Variants in PPL observed in about 807,000 individuals in gnomAD.
PPL encodes the protein 190 kDa paraneoplastic pemphigus antigen.
A neutral mutation model predicts 194.4 loss-of-function variants in PPL; 198 were observed. The observed-to-expected ratio is 1.02, with a 90% CI of 0.91 to 1.15. PPL has a LOEUF of 1.15. PPL is among the 50% of genes most tolerant of loss of function. The probability of loss-of-function intolerance (pLI) is 0.00; values close to 1 mark genes in which losing one functional copy is unlikely to be tolerated. For synonymous variants in PPL, 1,220 were observed against 972.4 expected (o/e 1.25, Z -4.74); for missense variants, 2,885 against 2,294.8 (o/e 1.26, Z -5.25).
intron 11 of PPL, among the ~76,000 whole-genome samples, chr16:4,894,842 C>T (rs1364108443): frequency 6.6e-6 from 1 of 152,212 alleles, no homozygotes; most frequent in Non-Finnish European, 1.5e-5. Flanking sequence ...TCCCAATTCC[C>T]AGTCCCTGTG....
intron 1 of PPL, among the ~76,000 whole-genome samples, chr16:4,911,346 G>C (rs2088816875): frequency 6.6e-6 from 1 of 151,940 alleles, no homozygotes; most frequent in Non-Finnish European, 1.5e-5. Flanking sequence ...ATTTTTAGTG[G>C]AGATGGGGTT....
At chr16:4,896,796 T>G (rs1240692139) in intron 9 of PPL, among the ~76,000 whole-genome samples, 1 of 151,838 alleles carries the variant, frequency 6.6e-6, no homozygotes, top group Non-Finnish European at 1.5e-5. Context: ...CCACCACACC[T>G]GGCTAACTTT....
chr16:4,890,357 C>T (rs1026650874), intron 17 of PPL, 23 bp from the exon 18 acceptor site: 2 of 1,577,446 alleles, frequency 1.3e-6, no homozygotes, highest in Admixed American at 1.9e-5. Context: ...AGCGTTCAGG[C>T]CTCAGCCACA....
Position 4,885,322 on chromosome 16 carries a change from C to T in PPL, c.3333G>A (p.Lys1111=), listed in dbSNP as rs1567985662. The change falls in exon 22 of 22, where the codon AAG becomes AAA. Residue 1111 remains lysine (K), a synonymous_variant. Coordinates refer to ENST00000345988, the MANE Select transcript of PPL (RefSeq NM_002705.5). The surrounding 1 kb of genome is among the most constrained non-coding windows in gnomAD (Gnocchi z 6.3). ...CCTTGAGCACCTCCTTGACGGTGAT[C>T]TTGCCCTCGGCCATGGCCCGCTCCT... ...LEKERAMAEG[K]ITVKEVLKVE... The T allele has an allele frequency of 6.2e-7, 1 of 1,612,744 alleles. No individual in the cohort carries two copies. The highest frequency in any genetic ancestry group is 8.5e-7 in the Non-Finnish European group (1 of 1,180,000).
intron 14 of PPL, among the ~76,000 whole-genome samples, chr16:4,892,579 T>C (rs1255681039): frequency 6.6e-6 from 1 of 152,108 alleles, no homozygotes; most frequent in East Asian, 1.9e-4. Flanking sequence ...TCCCAGCAGC[T>C]TAGGAAGGGA....
At chr16:4,892,297 C>T (rs1373479332) in intron 14 of PPL, 84 bp from the exon 15 acceptor site, 2 of 1,425,808 alleles carry the variant, frequency 1.4e-6, no homozygotes, top group African/African-American at 2.8e-5. Context: ...GCACAGATTC[C>T]CACATCAGGC....
rs1175002239 is a variant in PPL at position 4,885,104 on chromosome 16, GC to G, written c.3550del (p.Ala1184ArgfsTer48). 1 of 1,613,666 alleles carries G rather than the reference GC, an allele frequency of 6.2e-7. No individual in the cohort carries two copies. The highest frequency in any genetic ancestry group is 8.5e-7 in the Non-Finnish European group (1 of 1,180,028). ...GCGGAGGTTCGCCACTTCACTTTCC[GC>G]CTTGGGGTCTGGCCGCACGATCTCC... is the stretch of plus-strand genomic sequence containing the variant. The part of the protein sequence containing the change: ...VREIVRPDPK[A>X]ESEVANLRLE... On this transcript the variant is annotated frameshift_variant, in exon 22 of 22. Coordinates refer to ENST00000345988, the MANE Select transcript of PPL (RefSeq NM_002705.5). LOFTEE classifies it high-confidence loss of function. This position sits in a 1 kb window ranked among gnomAD's most constrained non-coding sequence, Gnocchi z 6.3.
rs554252183 is a variant in PPL, at chr16:4,892,036, TCTC to T, written c.1825_1827del (p.Glu609del). 73 of 1,612,684 alleles carry T rather than the reference TCTC, an allele frequency of 4.5e-5. No homozygotes were observed. In the East Asian group the frequency reaches 1.4e-3, roughly 32 times the overall value. ...CCATGCTGCCTGTCTGCCACCCACT[TCTC>T]CTGGGCCAAGTCCAGCAGCTGCAGG... On this transcript the variant is annotated inframe_deletion and splice_region_variant, in exon 15 of 22. Coordinates refer to ENST00000345988, the MANE Select transcript of PPL (RefSeq NM_002705.5).
In PPL at chr16:4,937,010, T is replaced by A; in HGVS notation, c.36A>T (p.Lys12Asn). 1 of 1,536,908 alleles carries A rather than the reference T, an allele frequency of 6.5e-7. No homozygotes were observed. The highest frequency in any genetic ancestry group is 8.8e-7 in the Non-Finnish European group (1 of 1,140,706). ...TCCGGGTCTGCACAGTGGGGCTGTA[T>A]TTGCCTTTGTTTCTCTTCCTGAAGA... ...NSLFRKRNKG[K>N]YSPTVQTRSI... The change falls in exon 1 of 22, where the codon AAA becomes AAT. Residue 12 changes from lysine to asparagine, a missense_variant. Transcript: ENST00000345988.
intron 1 of PPL, 76 bp from the exon 2 acceptor site, chr16:4,911,025 T>A: frequency 8.1e-7 from 1 of 1,242,166 alleles, no homozygotes; most frequent in Non-Finnish European, 1.2e-6. Context: ...CACCCCATCC[T>A]CTGGCTGGCC....
At chr16:4,925,730 TG>T (rs2089143687) in intron 1 of PPL, among the ~76,000 whole-genome samples, 1 of 152,288 alleles carries the variant, frequency 6.6e-6, no homozygotes, top group African/African-American at 2.4e-5. Context: ...TTTACACAGC[TG>T]GGAAGTGGTG....
At chr16:4,894,870 C>T (rs192934479) in intron 11 of PPL, among the ~76,000 whole-genome samples, 1 of 152,330 alleles carries the variant, frequency 6.6e-6, no homozygotes, top group East Asian at 1.9e-4. Context: ...CTTCTCCATT[C>T]CCAAGCTCCA....
intron 1 of PPL, among the ~76,000 whole-genome samples, chr16:4,929,686 GTTTTA>G (rs1179699807): frequency 2.0e-5 from 3 of 152,080 alleles, no homozygotes; most frequent in Non-Finnish European, 4.4e-5. Context: ...TCCTAAGCCT[GTTTTA>G]TTTTATTTAT....
chr16:4,904,657 T>C (rs559595118), intron 2 of PPL, among the ~76,000 whole-genome samples: 2 of 152,070 alleles, frequency 1.3e-5, no homozygotes, highest in African/African-American at 4.8e-5. Flanking sequence ...AAAAGGTCTC[T>C]GTGGATAGGG....
At chr16:4,895,519 C>G (rs1000189628) in intron 10 of PPL, 75 bp downstream of exon 10, 13 of 1,609,708 alleles carry the variant, frequency 8.1e-6, no homozygotes, top group African/African-American at 2.7e-5. Flanking sequence ...GGGGCCTGTA[C>G]AGGGCTGAGG....
chr16:4,913,655 A>T (rs2088862671), intron 1 of PPL, among the ~76,000 whole-genome samples: 1 of 152,176 alleles, frequency 6.6e-6, no homozygotes, highest in Non-Finnish European at 1.5e-5. Context: ...CGGCTGCCTC[A>T]GCCTTTTGAG....
Position 4,903,934 on chromosome 16 carries a change from G to A in PPL, c.269C>T (p.Ala90Val). 6.2e-7 allele frequency: 1 copy of A among 1,614,056 alleles called. No homozygotes were observed. Among genetic ancestry groups the A allele is most frequent in the East Asian group, 2.2e-5 (1 of 44,876 alleles). Residue 90 changes from alanine (A) to valine (V), a missense_variant, in exon 3 of 22, where the codon GCC becomes GTC. Transcript: ENST00000345988. Reference protein sequence around the residue: ...KLLYVLEADAAIAKHMKHPQG... With the variant: ...KLLYVLEADAVIAKHMKHPQG... ...TGGGTGCTTCATGTGCTTGGCAATG[G>A]CCGCATCCGCCTCTAGCACATAGAG...
chr16:4,926,878 C>CAAAA (rs71402575), intron 1 of PPL, among the ~76,000 whole-genome samples: 27,981 of 78,912 alleles, frequency 0.35, 6,007 homozygotes, highest in East Asian at 0.45. Flanking sequence ...GACTCTGTCT[C>CAAAA]AAAAAAAAAA....
rs1340470198 is a variant in PPL, at chr16:4,885,925, C to G, written c.2730G>C (p.Glu910Asp). ...DEETERRRQL[E>D]NEVKSTQEEI... ...CTTCCTGGGTGCTCTTGACCTCGTT[C>G]TCCAGCTGCCGCCTCCGCTCAGTCT... Residue 910 changes from glutamate (E) to aspartate (D), a missense_variant, in exon 22 of 22, where the codon GAG (glutamate) becomes GAC (aspartate). Coordinates refer to ENST00000345988, the MANE Select transcript of PPL (RefSeq NM_002705.5). This position sits in a 1 kb window ranked among gnomAD's most constrained non-coding sequence, Gnocchi z 6.3. 3 of 1,612,570 alleles carry G rather than the reference C, an allele frequency of 1.9e-6. No homozygotes were observed. Among genetic ancestry groups the G allele is most frequent in the African/African-American group, 2.7e-5 (2 of 75,066 alleles).
Sources: gnomAD v4.1 joint callset for allele counts (sites outside exome capture counted in the v4.1 genomes callset) on GRCh38, gnomAD v4.1.1 for gene constraint, Gnocchi (gnomAD v3.1) non-coding constraint, MANE v1.5 for transcripts, NCBI Gene and HGNC (gene_info 2026-07-23, HGNC 2026-07-21) for gene names.